The following PCDH20 variants were observed in gnomAD, a reference collection of about 807,000 sequenced individuals.
PCDH20 encodes protocadherin 20.
PCDH20 carries 18 observed loss-of-function variants against 39.7 expected under a neutral mutation model. The ratio of observed to expected loss-of-function variants is 0.45; its 90% confidence interval spans 0.31 to 0.67. PCDH20 has a LOEUF of 0.67. Ranked by LOEUF, PCDH20 falls within the 30% of genes least tolerant of loss-of-function variation. PCDH20 has a pLI of 0.05. For missense variants in PCDH20, 1,161 were observed against 1,167.4 expected, an observed-to-expected ratio of 0.99 and a Z score of 0.08; for synonymous variants, 495 against 455.4, an observed-to-expected ratio of 1.09 and a Z score of -1.11.
chr13:61,415,797 G>A (rs1290027012), upstream of PCDH20: 1 of 152,204 alleles, frequency 6.6e-6, no homozygotes, highest in Admixed American at 6.5e-5. Context: ...TGTGGGCAGT[G>A]GTAGAGCTTC....
exon 2 of PCDH20, chr13:61,411,118 T>C (rs2138016876): frequency 1.2e-6 from 1 of 825,330 alleles, no homozygotes; most frequent in East Asian, 2.7e-5. Flanking sequence ...AACAGCTATT[T>C]ACAATATAGA....
In PCDH20 at chr13:61,413,448, C is replaced by T; in HGVS notation, c.651G>A (p.Trp217Ter). ...TGTTTACAGGTGCATTTTCCGGGACCCACACCGAGATCTGGGAAACAGGGA... is the reference window on the plus strand; with the variant it reads ...TGTTTACAGGTGCATTTTCCGGGACTCACACCGAGATCTGGGAAACAGGGA... The change falls in exon 2 of 2, where the codon TGG becomes TGA. Residue 217 changes from tryptophan to a stop codon, truncating the protein, a stop_gained. Transcript: ENST00000409204. LOFTEE classifies it high-confidence loss of function. 1 of 1,613,730 alleles carries T rather than the reference C, an allele frequency of 6.2e-7. No individual in the cohort carries two copies. Among genetic ancestry groups the T allele is most frequent in the Non-Finnish European group, 8.5e-7 (1 of 1,179,940 alleles).
chr13:61,410,615 A>C (rs1229214413), exon 2 of PCDH20: 1 of 152,646 alleles, frequency 6.6e-6, no homozygotes, highest in Non-Finnish European at 1.5e-5. Context: ...TCTGTAACAC[A>C]AGGCAATGAT....
At chr13:61,411,112 G>T in exon 2 of PCDH20, 1 of 771,098 alleles carries the variant, frequency 1.3e-6, no homozygotes, top group Non-Finnish European at 2.1e-6. Flanking sequence ...CCTGTAAACA[G>T]CTATTTACAA....
chr13:61,415,033 G>A lies in PCDH20; in HGVS notation c.126C>T (p.Asn42=), dbSNP rs141524515. 78 of 1,492,236 alleles carry A rather than the reference G, an allele frequency of 5.2e-5. No individual in the cohort carries two copies. In the Middle Eastern group the frequency reaches 5.4e-4, roughly 10 times the overall value. The allele number at this position is 1,492,236 out of a possible 1,614,324, so 92.4% of individuals were successfully genotyped here. Residue 42 remains asparagine (N), a synonymous_variant, in exon 1 of 2, where the codon AAC becomes AAT. Coordinates refer to ENST00000409204, the Ensembl canonical transcript of PCDH20. ...CCTTGACCCTAACCCTTACCGGCAG[G>A]TTCCTGTAGCTGGTGCTGCTCCTGG...
At chr13:61,412,344 G>A (rs1253396464) in exon 2 of PCDH20, 1 of 1,613,938 alleles carries the variant, frequency 6.2e-7, no homozygotes, top group Non-Finnish European at 8.5e-7. Flanking sequence ...CTGTGACACT[G>A]TCTAAGGAAA....
Position 61,412,015 on chromosome 13 carries a change from C to T in PCDH20, c.2084G>A (p.Arg695Lys). 1.9e-6 allele frequency: 3 copies of T among 1,614,134 alleles called. No individual in the cohort carries two copies. The highest frequency in any genetic ancestry group is 2.5e-6 in the Non-Finnish European group (3 of 1,180,038). The change falls in exon 2 of 2, where the codon AGG (arginine) becomes AAG (lysine). Residue 695 changes from arginine (R) to lysine (K), a missense_variant. Around this residue, in one of 3 missense-constraint regions of PCDH20, gnomAD observed 754 missense variants for 777.5 expected, o/e 0.97. Coordinates refer to ENST00000409204, the Ensembl canonical transcript of PCDH20. ...CTCTCTGTCCAAAGAGACTTTAGCC[C>T]TCAGCATACCCTTTCCTGTATCTAT...
chr13:61,414,198 T>TC (rs1375782826), intron 1 of PCDH20, among the ~76,000 whole-genome samples: 2 of 151,572 alleles, frequency 1.3e-5, no homozygotes, highest in African/African-American at 4.9e-5. Flanking sequence ...GCCCCCGCCT[T>TC]CCCCCCTCGT....
chr13:61,412,371 A>T, exon 2 of PCDH20: 4 of 1,614,182 alleles, frequency 2.5e-6, no homozygotes, highest in Non-Finnish European at 3.4e-6. Context: ...ATGGAGCATC[A>T]GGTCCCAGAA....
exon 2 of PCDH20, chr13:61,411,288 G>A (rs1472595566): frequency 1.2e-6 from 2 of 1,613,910 alleles, no homozygotes; most frequent in Non-Finnish European, 1.7e-6. Context: ...GCATATGCAA[G>A]TCAATTTTTC....
Position 61,413,565 on chromosome 13 carries a change from CAA to C in PCDH20, c.532_533del (p.Leu178AlafsTer26). ...GAGGCAGGACAAGCACATCCAGCAGCAAAAGACAAGAGTCAGAAGGAGAGGAG... is the reference window on the plus strand; with the variant it reads ...GAGGCAGGACAAGCACATCCAGCAGCAAGACAAGAGTCAGAAGGAGAGGAG... On this transcript the variant is annotated frameshift_variant, in exon 2 of 2. Coordinates refer to ENST00000409204, the Ensembl canonical transcript of PCDH20. LOFTEE classifies it high-confidence loss of function. The C allele has an allele frequency of 6.2e-7, 1 of 1,614,098 alleles. No individual in the cohort carries two copies. The highest frequency in any genetic ancestry group is 2.2e-5 in the East Asian group (1 of 44,854).
exon 2 of PCDH20, chr13:61,411,308 G>A: frequency 6.2e-7 from 1 of 1,613,856 alleles, no homozygotes; most frequent in Non-Finnish European, 8.5e-7. Context: ...CCTTTCAGTG[G>A]AATCTGTACT....
chr13:61,413,864 C>G (rs779740475), exon 2 of PCDH20: 1 of 1,613,458 alleles, frequency 6.2e-7, no homozygotes, highest in Non-Finnish European at 8.5e-7. Context: ...ATGAGCACCC[C>G]CGCGGGTAGT....
exon 1 of PCDH20, chr13:61,415,085 C>A (rs1343422586): frequency 1.3e-6 from 2 of 1,573,028 alleles, no homozygotes; most frequent in Non-Finnish European, 1.7e-6. Flanking sequence ...CATATCCAGG[C>A]GCGGGTGCCA....
chr13:61,409,759 G>A (rs1053702684), exon 2 of PCDH20: 29 of 151,864 alleles, frequency 1.9e-4, no homozygotes, highest in Non-Finnish European at 3.2e-4. Context: ...GAATACTACA[G>A]GTTACCCACA....
chr13:61,410,333 A>T (rs2138016045), exon 2 of PCDH20: 1 of 152,308 alleles, frequency 6.6e-6, no homozygotes, highest in Admixed American at 6.5e-5. Context: ...AGCCTATAAA[A>T]GTCTAATATA....
rs117458420 is a variant in PCDH20 at position 61,414,777 on chromosome 13, C to G, written c.132+250G>C. On this transcript the variant is annotated intron_variant, in intron 1 of 1. Coordinates refer to ENST00000409204, the Ensembl canonical transcript of PCDH20. ...ACCCCTGTAGCTAAAGCGGATTGAG[C>G]GCACCCCCGATGCCCTCGACCTTAT... Among the ~76,000 whole-genome samples, 665 of 152,214 alleles carry G rather than the reference C, an allele frequency of 4.4e-3. 25 individuals carry two copies. In the East Asian group the frequency reaches 0.085, roughly 19 times the overall value.
chr13:61,413,365 T>C, exon 2 of PCDH20: 1 of 1,614,094 alleles, frequency 6.2e-7, no homozygotes, highest in Non-Finnish European at 8.5e-7. Flanking sequence ...GCGATAGGTC[T>C]GTACCCCATT....
In PCDH20 at chr13:61,415,089, G is replaced by A; in HGVS notation, c.70C>T (p.Pro24Ser). Residue 24 changes from proline (P) to serine (S), a missense_variant, in exon 1 of 2, where the codon CCG becomes TCG. Transcript: ENST00000409204. ...TGTAGACGCCCCATATCCAGGCGCGGGTGCCAGGTCGCCGGGCACCAGCTC... is the reference window on the plus strand; with the variant it reads ...TGTAGACGCCCCATATCCAGGCGCGAGTGCCAGGTCGCCGGGCACCAGCTC... The A allele has an allele frequency of 1.3e-6, 2 of 1,571,268 alleles. No individual in the cohort carries two copies. Among genetic ancestry groups the A allele is most frequent in the East Asian group, 2.4e-5 (1 of 41,726 alleles).
Sources: gnomAD v4.1 joint callset for allele counts (sites outside exome capture counted in the v4.1 genomes callset) on GRCh38, gnomAD v4.1.1 for gene constraint, gnomAD v4.1.1 regional missense constraint, MANE v1.5 for transcripts, NCBI Gene and HGNC (gene_info 2026-07-23, HGNC 2026-07-21) for gene names.